ECHDC2: variants seen among roughly 807,000 people sequenced by gnomAD.
The protein encoded by ECHDC2 is enoyl-CoA hydratase domain containing 2.
Under a neutral mutation model 40.6 loss-of-function variants are expected in ECHDC2, and 34 were observed. The observed-to-expected ratio is 0.84, with a 90% CI of 0.64 to 1.11. The LOEUF (loss-of-function observed/expected upper bound fraction) is 1.11, where lower values mean the gene tolerates loss of function less well. ECHDC2 is among the 50% of genes most tolerant of loss of function. The pLI is 0.00. For missense variants in ECHDC2, 392 were observed against 400.7 expected (o/e 0.98, Z 0.19); for synonymous variants, 162 against 166.6 (o/e 0.97, Z 0.21).
chr1:52,920,744 T>TAAAA, intron 1 of ECHDC2: 1 of 453,408 alleles, frequency 2.2e-6, no homozygotes. Context: ...AAACTTTTGT[T>TAAAA]AAAAAAAAAA....
At chr1:52,909,508 G>A (rs555157580) in intron 3 of ECHDC2, among the ~76,000 whole-genome samples, 36 of 145,752 alleles carry the variant, frequency 2.5e-4, no homozygotes, top group African/African-American at 8.2e-4. Context: ...TAACACCAAC[G>A]GTAACTGATG....
intron 3 of ECHDC2, among the ~76,000 whole-genome samples, chr1:52,908,509 A>G (rs547415677): frequency 6.6e-6 from 1 of 152,324 alleles, no homozygotes; most frequent in Non-Finnish European, 1.5e-5. Context: ...TCAAAGAAGA[A>G]AAAAGAAAAA....
intron 9 of ECHDC2, chr1:52,897,087 TGC>T: frequency 2.5e-6 from 1 of 396,812 alleles, no homozygotes; most frequent in Admixed American, 3.6e-5. Context: ...GAACACAGCC[TGC>T]AGGCTACAAC....
At chr1:52,902,850 A>C (rs995977019) in intron 7 of ECHDC2, among the ~76,000 whole-genome samples, 3 of 152,140 alleles carry the variant, frequency 2.0e-5, no homozygotes, top group African/African-American at 7.2e-5. Context: ...TTGATGAACA[A>C]GTCACTGAAC....
intron 1 of ECHDC2, chr1:52,912,660 T>TC (rs1196699389): frequency 2.0e-5 from 3 of 151,678 alleles, no homozygotes; most frequent in Non-Finnish European, 4.4e-5. Context: ...GCTCCCTCCT[T>TC]CCCCCTGAAC....
chr1:52,899,267 C>CTGAT lies in ECHDC2; in HGVS notation c.703-47_703-44dup, dbSNP rs1452967441. On this transcript the variant is annotated intron_variant, in intron 7 of 9. Coordinates refer to ENST00000371522, the MANE Select transcript of ECHDC2 (RefSeq NM_001198961.2). ...GTCTTGGTTGAGGAGGGCATCAAGG[C>CTGAT]TGATAGTTGCAGGTCTGAGGTGCAC... 3.8e-6 allele frequency: 6 copies of CTGAT among 1,598,654 alleles called. No homozygotes were observed. In the African/African-American group the frequency reaches 8.1e-5, roughly 21 times the overall value.
rs368994441 is a variant in ECHDC2, at chr1:52,897,421, G to A, written c.801+16C>T. On this transcript the variant is annotated intron_variant, in intron 9 of 9. Coordinates refer to ENST00000371522, the MANE Select transcript of ECHDC2 (RefSeq NM_001198961.2). ...AGCCTATGTTAACAAGCAGGCATGG[G>A]CTGGTTGCTACATACCTGGGCATAG... The A allele has an allele frequency of 4.3e-6, 7 of 1,613,770 alleles. No individual in the cohort carries two copies. Among genetic ancestry groups the A allele is most frequent in the Middle Eastern group, 1.7e-4 (1 of 6,058 alleles).
At chr1:52,913,890 C>T (rs1650113709) in intron 1 of ECHDC2, 1 of 1,131,676 alleles carries the variant, frequency 8.8e-7, no homozygotes, top group Admixed American at 4.1e-5. Flanking sequence ...TCTCCTTCCT[C>T]CTACCTTTCA....
intron 1 of ECHDC2, chr1:52,912,798 C>T (rs929758812): frequency 7.2e-5 from 11 of 152,266 alleles, no homozygotes; most frequent in Admixed American, 5.2e-4. Flanking sequence ...AGCGATTCTC[C>T]TGCCTCAGCC....
At chr1:52,911,211 A>G (rs1014209890) in intron 3 of ECHDC2, among the ~76,000 whole-genome samples, 3 of 152,010 alleles carry the variant, frequency 2.0e-5, no homozygotes, top group African/African-American at 7.3e-5. Flanking sequence ...CTCGGGCCTC[A>G]AGTGATCTAC....
At position 52,899,212 on chromosome 1, in the gene ECHDC2, C is replaced by T. The variant is rs374095939; in HGVS notation, c.715G>A (p.Val239Met). The change falls in exon 8 of 10, where the codon GTG becomes ATG. Residue 239 changes from valine to methionine, a missense_variant. Transcript: ENST00000371522. ...QEILPQAPIA[V>M]RLGKVAIDRG... ...TCAATGGCTACTTTGCCCAGCCGCA[C>T]GGCAATGGGGGCCTAGGGAAAAGCA... The T allele has an allele frequency of 5.0e-5, 80 of 1,613,334 alleles. No homozygotes were observed. Among genetic ancestry groups the T allele is most frequent in the Admixed American group, 2.2e-4 (13 of 59,994 alleles).
intron 1 of ECHDC2, 23 bp from the exon 2 acceptor site, chr1:52,911,813 C>T (rs758693447): frequency 1.1e-5 from 17 of 1,613,254 alleles, no homozygotes; most frequent in South Asian, 6.6e-5. Context: ...AGGGCAGCCA[C>T]GGGAAAGCAG....
Position 52,896,180 on chromosome 1 carries a change from T to TA in ECHDC2, c.*339dup. 3.8e-6 allele frequency: 1 copy of TA among 260,148 alleles called. No homozygotes were observed. Among genetic ancestry groups the TA allele is most frequent in the Admixed American group, 4.4e-5 (1 of 22,722 alleles). 16.1% of individuals were successfully genotyped at this position (260,148 alleles called of 1,614,324 possible). On this transcript the variant is annotated 3_prime_UTR_variant, in exon 10 of 10. Coordinates refer to ENST00000371522, the MANE Select transcript of ECHDC2 (RefSeq NM_001198961.2). ...TCTGACATCTCTAATGAGTGCCTGATAACTGAGAGAGGTCAGGGGCTGAGA... is the reference window on the plus strand; with the variant it reads ...TCTGACATCTCTAATGAGTGCCTGATAAACTGAGAGAGGTCAGGGGCTGAGA...
At position 52,896,359 on chromosome 1, in the gene ECHDC2, G is replaced by T; in HGVS notation, c.*161C>A. 1 of 655,328 alleles carries T rather than the reference G, an allele frequency of 1.5e-6. No individual in the cohort carries two copies. Among genetic ancestry groups the T allele is most frequent in the Non-Finnish European group, 2.8e-6 (1 of 361,826 alleles). 40.6% of individuals were successfully genotyped at this position (655,328 alleles called of 1,614,324 possible). On this transcript the variant is annotated 3_prime_UTR_variant, in exon 10 of 10. Transcript: ENST00000371522. ...CAGTAGGTGGTAGGATCAGCACCTT[G>T]GTTCCAGGCATCACGCCAGTCATTT...
chr1:52,904,213 T>C (rs1307537373), intron 7 of ECHDC2, among the ~76,000 whole-genome samples: 1 of 152,158 alleles, frequency 6.6e-6, no homozygotes, highest in African/African-American at 2.4e-5. Flanking sequence ...TTTCAGTCTT[T>C]GGGGGATTTT....
intron 3 of ECHDC2, among the ~76,000 whole-genome samples, chr1:52,908,347 A>G (rs893158982): frequency 6.6e-6 from 1 of 151,820 alleles, no homozygotes; most frequent in African/African-American, 2.4e-5. Context: ...CTAAAAATAC[A>G]AAAATCAGCC....
rs372114358 is a variant in ECHDC2 at position 52,917,567 on chromosome 1, G to A, written c.121+3986C>T. On this transcript the variant is annotated intron_variant, in intron 1 of 9. Transcript: ENST00000371522. ...ACCTTCAAATGAGCCCATGGGTAGA[G>A]GAGGGAGGATGGAAAGGTCAGCTTG... 20 of 456,130 alleles carry A rather than the reference G, an allele frequency of 4.4e-5. No homozygotes were observed. The East Asian group carries it at 9.0e-4, about 21-fold the overall frequency. 28.3% of individuals were successfully genotyped at this position (456,130 alleles called of 1,614,324 possible).
chr1:52,908,377 T>C (rs912151866), intron 3 of ECHDC2, among the ~76,000 whole-genome samples: 2 of 151,862 alleles, frequency 1.3e-5, no homozygotes, highest in Non-Finnish European at 2.9e-5. Flanking sequence ...GGCGGACACC[T>C]ATAATCCCAG....
chr1:52,920,328 G>C (rs1267289877), intron 1 of ECHDC2: 2 of 635,648 alleles, frequency 3.1e-6, no homozygotes, highest in East Asian at 5.5e-5. Flanking sequence ...TGGATTTTAT[G>C]GCAAAGCCCC....
Sources: allele counts gnomAD v4.1 joint callset (sites outside exome capture counted in the v4.1 genomes callset), GRCh38; gene constraint gnomAD v4.1.1; transcripts MANE v1.5; gene names NCBI Gene and HGNC (gene_info 2026-07-23, HGNC 2026-07-21).